AIFM3: variants seen among roughly 807,000 people sequenced by gnomAD.
The protein encoded by AIFM3 is AIF family member 3, also known as apoptosis-inducing factor 3.
AIFM3 carries 71 observed loss-of-function variants against 82.7 expected under a neutral mutation model. The observed-to-expected ratio is 0.86, with a 90% CI of 0.71 to 1.05. The LOEUF is 1.05. AIFM3 is among the 50% of genes least tolerant of loss of function. The probability of loss-of-function intolerance (pLI) is 0.00; values close to 1 mark genes in which losing one functional copy is unlikely to be tolerated. For missense variants in AIFM3, 748 were observed against 816.7 expected, an observed-to-expected ratio of 0.92 and a Z score of 1.03; for synonymous variants, 337 against 329.1, an observed-to-expected ratio of 1.02 and a Z score of -0.26.
Position 20,977,684 on chromosome 22 carries a change from G to A in AIFM3, c.1283-16G>A, listed in dbSNP as rs769060229. ...GGCAGGGACAGGGGAGTGGACACAG[G>A]CTTCCGTCCTGTCAGGTGCAGTGCC... On this transcript the variant is annotated splice_polypyrimidine_tract_variant and intron_variant, in intron 14 of 20. Transcript: ENST00000440238. 17 of 1,613,566 alleles carry A rather than the reference G, an allele frequency of 1.1e-5. No individual in the cohort carries two copies. In the East Asian group the frequency reaches 3.8e-4, roughly 36 times the overall value.
chr22:20,969,726 T>C (rs1031608470), intron 2 of AIFM3, among the ~76,000 whole-genome samples: 13 of 152,172 alleles, frequency 8.5e-5, no homozygotes, highest in African/African-American at 2.7e-4. Context: ...TGAGCTGGGC[T>C]CTGTGCTGCC....
chr22:20,979,690 C>G lies in AIFM3; in HGVS notation c.1640C>G (p.Ala547Gly). ...QGDLEELKFVAFYTKGDEVIA... is the reference protein window; with the variant it reads ...QGDLEELKFVGFYTKGDEVIA... ...GATCTGGAGGAGCTGAAGTTTGTGG[C>G]TTTTTACACTAAGTGAGAGCACCGG... Residue 547 changes from alanine to glycine, a missense_variant, in exon 18 of 21, where the codon GCT (alanine) becomes GGT (glycine). Ala to Gly is a moderately conservative substitution (Grantham distance 60). Coordinates refer to ENST00000440238, the MANE Select transcript of AIFM3 (RefSeq NM_001386814.1). 1 of 1,614,192 alleles carries G rather than the reference C, an allele frequency of 6.2e-7. No individual in the cohort carries two copies. Among genetic ancestry groups the G allele is most frequent in the Non-Finnish European group, 8.5e-7 (1 of 1,180,028 alleles).
At position 20,976,873 on chromosome 22, in the gene AIFM3, G is replaced by C. The variant is rs1208852418; in HGVS notation, c.1153G>C (p.Glu385Gln). 1.2e-6 allele frequency: 2 copies of C among 1,601,394 alleles called. No homozygotes were observed. The highest frequency in any genetic ancestry group is 1.7e-6 in the Non-Finnish European group (2 of 1,172,046). ...TGCCCACTTGCCCTGACAGATGTTTGAGAACAACCGGGTGAAGTTCTACAT... is the reference window on the plus strand; with the variant it reads ...TGCCCACTTGCCCTGACAGATGTTTCAGAACAACCGGGTGAAGTTCTACAT... ...RVGRALMKMF[E>Q]NNRVKFYMQT... Residue 385 changes from glutamate to glutamine, a missense_variant, in exon 13 of 21, where the codon GAG becomes CAG. Physicochemically the swap from Glu to Gln is conservative, Grantham distance 29 (BLOSUM62 2). Around this residue, in one of 5 missense-constraint regions of AIFM3, gnomAD observed 393 missense variants for 481.1 expected, o/e 0.82. Transcript: ENST00000440238.
rs1216731898 is a variant in AIFM3, at chr22:20,973,854, A to G, written c.342A>G (p.Ala114=). The G allele has an allele frequency of 6.5e-7, 1 of 1,542,104 alleles. No individual in the cohort carries two copies. The highest frequency in any genetic ancestry group is 2.4e-5 in the East Asian group (1 of 42,044). Residue 114 remains alanine, a synonymous_variant, in exon 4 of 21, where the codon GCA becomes GCG. Transcript: ENST00000440238. ...GCCATAAGTGTCCGCACTACGGCGC[A>G]CCCCTGGTGAAAGGTGAGCTGTCAG... ...ALGHKCPHYG[A]PLVKGVLSRG...
Position 20,976,316 on chromosome 22 carries a change from TCTC to T in AIFM3, c.899+13_899+15del, listed in dbSNP as rs764475627. On this transcript the variant is annotated intron_variant, in intron 10 of 20. Transcript: ENST00000440238. ...TGGCACCAGGGAGCAGGTGGGAGGG[TCTC>T]CTTTTTACCCATCGGACACTAGGCA... 1.2e-6 allele frequency: 2 copies of T among 1,613,610 alleles called. No individual in the cohort carries two copies. Among genetic ancestry groups the T allele is most frequent in the South Asian group, 1.1e-5 (1 of 91,062 alleles).
Position 20,979,368 on chromosome 22 carries a change from G to T in AIFM3, c.1575G>T (p.Ala525=). 6.4e-7 allele frequency: 1 copy of T among 1,551,984 alleles called. No homozygotes were observed. Among genetic ancestry groups the T allele is most frequent in the Non-Finnish European group, 8.7e-7 (1 of 1,147,814 alleles). ...TAMFGKSLRY[A]GYGEGFDDVI... Reference sequence around the variant, plus strand: ...TGTTTGGCAAGAGCCTGCGCTACGCGGGTAACCCCGGGGCCTCGGATGGGG... The same window carrying T: ...TGTTTGGCAAGAGCCTGCGCTACGCTGGTAACCCCGGGGCCTCGGATGGGG... Residue 525 remains alanine (A), a splice_region_variant and synonymous_variant, in exon 17 of 21, where the codon GCG becomes GCT. Coordinates refer to ENST00000440238, the MANE Select transcript of AIFM3 (RefSeq NM_001386814.1).
intron 16 of AIFM3, 80 bp from the exon 17 acceptor site, chr22:20,979,191 G>A (rs919393493): frequency 9.0e-6 from 13 of 1,440,164 alleles, no homozygotes; most frequent in Non-Finnish European, 1.2e-5. Flanking sequence ...ACGTGTCAGG[G>A]GTCCCCAGGG....
At chr22:20,979,249 C>A in intron 16 of AIFM3, 22 bp from the exon 17 acceptor site, 1 of 1,551,726 alleles carries the variant, frequency 6.4e-7, no homozygotes. Flanking sequence ...AGTTAGGGTT[C>A]TCACGGCCCT....
intron 4 of AIFM3, 73 bp from the exon 5 acceptor site, chr22:20,973,990 A>G (rs1923452018): frequency 4.0e-6 from 6 of 1,511,818 alleles, no homozygotes; most frequent in Non-Finnish European, 4.5e-6. Context: ...AGGGGCCCGC[A>G]GTTGCCGGGG....
At chr22:20,974,207 G>C (rs758353631) in intron 5 of AIFM3, 35 bp downstream of exon 5, 5 of 1,613,540 alleles carry the variant, frequency 3.1e-6, no homozygotes, top group Non-Finnish European at 4.2e-6. Flanking sequence ...GGGAACCTGG[G>C]GGTGTGGGGT....
At position 20,971,602 on chromosome 22, in the gene AIFM3, T is replaced by G. The variant is rs573806790; in HGVS notation, c.32-1705T>G. ...CCTGGAGGTGCATCTCGGCAGCCTC[T>G]CTGGGTTCTTGGTTTCTGGAGTGTC... On this transcript the variant is annotated intron_variant, in intron 2 of 20. Transcript: ENST00000440238. Among the ~76,000 whole-genome samples the G allele has an allele frequency of 6.6e-5, 10 of 152,316 alleles. No individual in the cohort carries two copies. In the South Asian group the frequency reaches 2.1e-3, roughly 32 times the overall value.
chr22:20,967,484 G>A (rs991492110), intron 1 of AIFM3, among the ~76,000 whole-genome samples, 181 bp downstream of exon 1: 1 of 152,262 alleles, frequency 6.6e-6, no homozygotes, highest in Non-Finnish European at 1.5e-5. Context: ...CTCTCAGGCT[G>A]TGGGATTTGG....
At chr22:20,971,968 G>C (rs570955414) in intron 2 of AIFM3, among the ~76,000 whole-genome samples, 2 of 93,332 alleles carry the variant, frequency 2.1e-5, no homozygotes, top group South Asian at 3.5e-4. Flanking sequence ...GGAGGCTGTG[G>C]GGGGGGGGGG....
At chr22:20,975,165 C>G (rs1371467297) in intron 8 of AIFM3, among the ~76,000 whole-genome samples, 1 of 149,274 alleles carries the variant, frequency 6.7e-6, no homozygotes, top group African/African-American at 2.5e-5. Context: ...TGGGGTTTCA[C>G]CATGTTGCCC....
At chr22:20,977,562 G>A in intron 14 of AIFM3, 138 bp from the exon 15 acceptor site, 2 of 995,962 alleles carry the variant, frequency 2.0e-6, no homozygotes, top group Non-Finnish European at 3.1e-6. Context: ...TGGGGACCAG[G>A]GTGCATGAAG....
intron 20 of AIFM3, 85 bp from the exon 21 acceptor site, chr22:20,980,907 G>C: frequency 6.2e-7 from 1 of 1,610,266 alleles, no homozygotes; most frequent in Non-Finnish European, 8.5e-7. Flanking sequence ...ACCCCCTGCT[G>C]TCCTCAAGGG....
chr22:20,974,081 G>T lies in AIFM3; in HGVS notation c.374G>T (p.Arg125Leu). ...PLVKGVLSRG[R>L]VRCPWHGACF... ...TTCCCAGGCGTTCTGTCCCGTGGTC[G>T]GGTGCGCTGCCCCTGGCACGGCGCC... is the stretch of plus-strand genomic sequence containing the variant. The change falls in exon 5 of 21, where the codon CGG becomes CTG. Residue 125 changes from arginine (R) to leucine (L), a missense_variant. Arg to Leu is a moderately radical substitution (Grantham distance 102). Coordinates refer to ENST00000440238, the MANE Select transcript of AIFM3 (RefSeq NM_001386814.1). The T allele has an allele frequency of 6.2e-7, 1 of 1,610,640 alleles. No homozygotes were observed. The highest frequency in any genetic ancestry group is 8.5e-7 in the Non-Finnish European group (1 of 1,179,522).
intron 9 of AIFM3, among the ~76,000 whole-genome samples, 164 bp from the exon 10 acceptor site, chr22:20,976,051 G>A (rs1923626540): frequency 6.6e-6 from 1 of 152,262 alleles, no homozygotes; most frequent in Non-Finnish European, 1.5e-5. Context: ...TGAGGGGAAG[G>A]TGATGTCTGA....
In AIFM3 at chr22:20,979,694, T is replaced by C; in HGVS notation, c.1644T>C (p.Phe548=). 2 of 1,614,194 alleles carry C rather than the reference T, an allele frequency of 1.2e-6. No homozygotes were observed. The highest frequency in any genetic ancestry group is 8.5e-7 in the Non-Finnish European group (1 of 1,180,028). The change falls in exon 18 of 21, where the codon TTT becomes TTC. Residue 548 remains phenylalanine, a synonymous_variant. Transcript: ENST00000440238. ...TGGAGGAGCTGAAGTTTGTGGCTTT[T>C]TACACTAAGTGAGAGCACCGGGGTG... ...GDLEELKFVA[F]YTKGDEVIAV... is the part of the protein sequence containing the mutation.
Sources: gnomAD v4.1 joint callset for allele counts (sites outside exome capture counted in the v4.1 genomes callset) on GRCh38, gnomAD v4.1.1 for gene constraint, gnomAD v4.1.1 regional missense constraint, MANE v1.5 for transcripts, NCBI Gene and HGNC (gene_info 2026-07-23, HGNC 2026-07-21) for gene names.